The following FAAH2 variants were observed in gnomAD, a reference collection of about 807,000 sequenced individuals.
FAAH2 encodes fatty-acid amide hydrolase 2.
In FAAH2, 60 loss-of-function variants were observed where a neutral mutation model predicts 36.9. The observed-to-expected ratio is 1.63, with a 90% confidence interval of 1.32 to 2.02. The LOEUF is 2.02. FAAH2 is among the 30% of genes most tolerant of loss of function. FAAH2 has a pLI of 0.00. For missense variants in FAAH2, 689 were observed against 397.5 expected, an observed-to-expected ratio of 1.73 and a Z score of -6.23; for synonymous variants, 214 against 143.8, an observed-to-expected ratio of 1.49 and a Z score of -3.49.
At chrX:57,403,311 G>A (rs1372827436) in intron 7 of FAAH2, among the ~76,000 whole-genome samples, 2 of 112,310 alleles carry the variant, frequency 1.8e-5, no homozygotes, top group African/African-American at 6.5e-5. Context: ...GTCACCCATA[G>A]ACCTCTGCTT....
At chrX:57,165,002 T>C in the FAAH2 span, among the ~76,000 whole-genome samples, 1 of 112,446 alleles carries the variant, frequency 8.9e-6, no homozygotes, top group African/African-American at 3.2e-5. Flanking sequence ...AATGTGTAGA[T>C]AAAATGGAAA....
At chrX:57,418,746 T>A (rs1403412423) in intron 7 of FAAH2, among the ~76,000 whole-genome samples, 2 of 109,856 alleles carry the variant, frequency 1.8e-5, no homozygotes, top group African/African-American at 3.3e-5. Context: ...ATACTTTAAG[T>A]TTTAGGGTAC....
chrX:57,190,838 T>G, the FAAH2 span, among the ~76,000 whole-genome samples: 5 of 111,071 alleles, frequency 4.5e-5, no homozygotes, highest in Non-Finnish European at 9.4e-5. Context: ...GCTGTTAATG[T>G]TCGGCCATCC....
upstream of FAAH2, among the ~76,000 whole-genome samples, chrX:57,283,673 G>A (rs1384701243): frequency 9.0e-6 from 1 of 110,622 alleles, no homozygotes; most frequent in Admixed American, 9.5e-5. Context: ...TGTGGGGTGG[G>A]AGCCTACATG....
At chrX:57,443,490 A>G (rs1285840781) in intron 8 of FAAH2, among the ~76,000 whole-genome samples, 1 of 111,900 alleles carries the variant, frequency 8.9e-6, no homozygotes, top group Non-Finnish European at 1.9e-5. Flanking sequence ...TACACCTGTT[A>G]TTCTAGTTTA....
At chrX:57,400,459 G>A (rs139947990) in intron 7 of FAAH2, among the ~76,000 whole-genome samples, 1 of 112,538 alleles carries the variant, frequency 8.9e-6, no homozygotes, top group African/African-American at 3.2e-5. Flanking sequence ...GTCTTGCCCT[G>A]TTGGCATGCT....
the FAAH2 span, among the ~76,000 whole-genome samples, chrX:57,148,398 G>T: frequency 9.0e-6 from 1 of 111,678 alleles, no homozygotes; most frequent in Non-Finnish European, 1.9e-5. Flanking sequence ...CCATGAGCAT[G>T]GAATGTTCTT....
intron 7 of FAAH2, among the ~76,000 whole-genome samples, chrX:57,382,297 C>G (rs2054874091): frequency 9.0e-6 from 1 of 111,210 alleles, no homozygotes; most frequent in African/African-American, 3.3e-5. Context: ...CATTCAAAAG[C>G]TAGCAGAAGG....
At chrX:57,342,496 G>A (rs928178125) in intron 5 of FAAH2, among the ~76,000 whole-genome samples, 2 of 111,363 alleles carry the variant, frequency 1.8e-5, no homozygotes, top group African/African-American at 6.5e-5. Context: ...TAACAAACCT[G>A]CACATGTACC....
At chrX:57,282,432 T>TA (rs1203381523), upstream of FAAH2, among the ~76,000 whole-genome samples, 1 of 112,044 alleles carries the variant, frequency 8.9e-6, no homozygotes, top group Non-Finnish European at 1.9e-5. Context: ...TTATTGCTTG[T>TA]TAAGTTTCTT....
chrX:57,268,828 T>C, the FAAH2 span, among the ~76,000 whole-genome samples: 5 of 111,277 alleles, frequency 4.5e-5, no homozygotes, highest in African/African-American at 1.6e-4. Context: ...AGCAACCACA[T>C]AAAAAAGTCT....
At chrX:57,193,497 A>G in the FAAH2 span, among the ~76,000 whole-genome samples, 1 of 111,482 alleles carries the variant, frequency 9.0e-6, no homozygotes, top group Non-Finnish European at 1.9e-5. Context: ...GATCTCTGTG[A>G]CCCACACCCT....
At chrX:57,407,021 G>A (rs1387338216) in intron 7 of FAAH2, among the ~76,000 whole-genome samples, 1 of 112,108 alleles carries the variant, frequency 8.9e-6, no homozygotes, top group African/African-American at 3.2e-5. Context: ...ACTCTCTCCT[G>A]CATTGGAGAT....
intron 2 of FAAH2, among the ~76,000 whole-genome samples, chrX:57,300,667 C>T (rs1386486945): frequency 9.0e-6 from 1 of 111,634 alleles, no homozygotes; most frequent in Non-Finnish European, 1.9e-5. Flanking sequence ...TCAGAGTGAA[C>T]AGGCAACCTA....
the FAAH2 span, among the ~76,000 whole-genome samples, chrX:57,245,141 T>A: frequency 1.8e-5 from 2 of 111,214 alleles, no homozygotes; most frequent in Non-Finnish European, 3.8e-5. Flanking sequence ...AAGGAGGGCA[T>A]TACATAATGG....
At chrX:57,270,404 A>G in the FAAH2 span, among the ~76,000 whole-genome samples, 1 of 112,150 alleles carries the variant, frequency 8.9e-6, no homozygotes, top group Admixed American at 9.4e-5. Flanking sequence ...ACCTGGCAGC[A>G]ATGCAACAAA....
intron 5 of FAAH2, among the ~76,000 whole-genome samples, chrX:57,344,102 TC>T (rs2053758855): frequency 9.0e-6 from 1 of 110,858 alleles, no homozygotes; most frequent in Non-Finnish European, 1.9e-5. Flanking sequence ...TATTATTGGT[TC>T]CATATGAGTT....
intron 4 of FAAH2, among the ~76,000 whole-genome samples, chrX:57,338,041 G>A (rs1213193796): frequency 2.7e-5 from 3 of 111,910 alleles, no homozygotes; most frequent in Non-Finnish European, 5.6e-5. Flanking sequence ...AATCTGATAA[G>A]CAACTTCAAC....
At chrX:57,447,113 G>T in intron 9 of FAAH2, 74 bp downstream of exon 9, 1 of 795,044 alleles carries the variant, frequency 1.3e-6, no homozygotes. Context: ...ATAAATTTTG[G>T]ACTAAAGGCC....
Sources: allele counts gnomAD v4.1 joint callset (sites outside exome capture counted in the v4.1 genomes callset), GRCh38; gene constraint gnomAD v4.1.1; transcripts MANE v1.5; gene names NCBI Gene and HGNC (gene_info 2026-07-23, HGNC 2026-07-21).